The following PSMG2 variants were observed in gnomAD, a reference collection of about 807,000 sequenced individuals.
PSMG2 encodes proteasome assembly chaperone 2.
Under a neutral mutation model 31.5 loss-of-function variants are expected in PSMG2, and 21 were observed. The observed-to-expected ratio is 0.67, with a 90% CI of 0.47 to 0.96. The LOEUF is 0.96. Among genes scored for constraint, PSMG2 ranks in the 40% least tolerant of loss-of-function variants. The probability of loss-of-function intolerance (pLI) is 0.00; values close to 1 mark genes in which losing one functional copy is unlikely to be tolerated. For missense variants in PSMG2, 318 were observed against 321.2 expected, an observed-to-expected ratio of 0.99 and a Z score of 0.08; for synonymous variants, 120 against 110.4, an observed-to-expected ratio of 1.09 and a Z score of -0.54.
chr18:12,680,458 C>T (rs528394526), intron 1 of PSMG2, among the ~76,000 whole-genome samples: 5 of 151,708 alleles, frequency 3.3e-5, no homozygotes, highest in African/African-American at 7.2e-5. Flanking sequence ...CAGCCAGGTG[C>T]GGTGGCACAT....
chr18:12,665,855 C>G (rs2038791344), intron 1 of PSMG2, among the ~76,000 whole-genome samples: 1 of 152,140 alleles, frequency 6.6e-6, no homozygotes, highest in Non-Finnish European at 1.5e-5. Context: ...CGCCACCACA[C>G]CCAGCTAATT....
intron 2 of PSMG2, among the ~76,000 whole-genome samples, chr18:12,711,184 A>G (rs1183617102): frequency 6.6e-6 from 1 of 151,804 alleles, no homozygotes; most frequent in Non-Finnish European, 1.5e-5. Flanking sequence ...ACACACAAGA[A>G]TCACTTGAAC....
At chr18:12,703,479 T>C (rs1379740008) in intron 1 of PSMG2, among the ~76,000 whole-genome samples, 2 of 152,258 alleles carry the variant, frequency 1.3e-5, no homozygotes, top group African/African-American at 2.4e-5. Context: ...CTAGAAAGTC[T>C]TTCTACGACT....
At chr18:12,703,219 C>T in intron 1 of PSMG2, 55 bp downstream of exon 1, 1 of 1,539,734 alleles carries the variant, frequency 6.5e-7, no homozygotes, top group Non-Finnish European at 8.8e-7. Flanking sequence ...TGCGGTGTCG[C>T]CACCCCGACG....
At chr18:12,689,993 T>C (rs372195095) in intron 1 of PSMG2, among the ~76,000 whole-genome samples, 17 of 152,356 alleles carry the variant, frequency 1.1e-4, no homozygotes, top group African/African-American at 3.6e-4. Flanking sequence ...TTCGCCATGT[T>C]GGCCAGGCTG....
At chr18:12,724,365 A>G (rs888991407) in intron 5 of PSMG2, 134 bp from the exon 6 acceptor site, 6 of 875,900 alleles carry the variant, frequency 6.9e-6, no homozygotes, top group Non-Finnish European at 9.8e-6. Flanking sequence ...AAGGGAGATG[A>G]TAAGTGATCT....
upstream of PSMG2, among the ~76,000 whole-genome samples, chr18:12,701,893 G>A (rs1211778100): frequency 6.6e-6 from 1 of 152,230 alleles, no homozygotes; most frequent in Non-Finnish European, 1.5e-5. Context: ...CACTTTAGGA[G>A]GCCGAGGCGG....
At chr18:12,693,015 A>G (rs1390226604) in intron 1 of PSMG2, among the ~76,000 whole-genome samples, 2 of 152,102 alleles carry the variant, frequency 1.3e-5, no homozygotes, top group African/African-American at 4.8e-5. Context: ...GTAGAGATGA[A>G]GTCTACCTAT....
chr18:12,690,753 C>T (rs2039726005), intron 1 of PSMG2, among the ~76,000 whole-genome samples: 1 of 152,158 alleles, frequency 6.6e-6, no homozygotes, highest in South Asian at 2.1e-4. Flanking sequence ...CCGCGCCTAG[C>T]TGACCTGACC....
rs139290213 is a variant in PSMG2, at chr18:12,686,401, C to T, written c.-36-20149C>T. On this transcript the variant is annotated intron_variant, in intron 1 of 6. Coordinates refer to the PSMG2 transcript ENST00000585331. ...TGGAGTATCAAGAAGCCGTCCAGCT[C>T]GAAGTGGTTTAACATAGGAACAGAC... 176 of 1,613,954 alleles carry T rather than the reference C, an allele frequency of 1.1e-4. No individual in the cohort carries two copies. In the East Asian group the frequency reaches 3.8e-3, roughly 35 times the overall value.
At chr18:12,701,170 T>G (rs1814462265), upstream of PSMG2, 3 of 1,374,416 alleles carry the variant, frequency 2.2e-6, no homozygotes, top group African/African-American at 1.4e-5. Flanking sequence ...AAATACTGCT[T>G]CTGAAGTTTT....
intron 1 of PSMG2, among the ~76,000 whole-genome samples, chr18:12,672,118 CT>C (rs371021479): frequency 2.6e-4 from 36 of 141,090 alleles, no homozygotes; most frequent in Middle Eastern, 3.8e-3. Flanking sequence ...ATGCCTGGCC[CT>C]TTTTTTTTTT....
chr18:12,698,936 A>C, upstream of PSMG2: 1 of 1,342,424 alleles, frequency 7.4e-7, no homozygotes, highest in Non-Finnish European at 1.0e-6. Context: ...AAAACATAAC[A>C]AAGATTTACT....
At chr18:12,707,110 C>T (rs71353222) in intron 2 of PSMG2, among the ~76,000 whole-genome samples, 13,599 of 152,200 alleles carry the variant, frequency 0.089, 857 homozygotes, top group Non-Finnish European at 0.13. Context: ...TGCCTGCCAC[C>T]GCACCTGGCT....
intron 1 of PSMG2, among the ~76,000 whole-genome samples, chr18:12,689,584 T>C (rs1166134524): frequency 7.1e-6 from 1 of 141,130 alleles, no homozygotes; most frequent in Non-Finnish European, 1.6e-5. Flanking sequence ...GTTTAAGTAA[T>C]ATTTCCTAAA....
chr18:12,673,602 A>G (rs1598613507), intron 1 of PSMG2: 1 of 982,620 alleles, frequency 1.0e-6, no homozygotes, highest in Non-Finnish European at 1.5e-6. Context: ...TTTTCAGGCT[A>G]GGCGTGGTGG....
intron 3 of PSMG2, among the ~76,000 whole-genome samples, chr18:12,714,792 G>A (rs561363616): frequency 2.6e-5 from 4 of 151,978 alleles, no homozygotes; most frequent in Non-Finnish European, 5.9e-5. Context: ...TGCAACCTCC[G>A]CCTCCTGGGT....
intron 1 of PSMG2, among the ~76,000 whole-genome samples, chr18:12,694,766 C>T (rs1390907601): frequency 2.0e-5 from 3 of 150,622 alleles, no homozygotes; most frequent in African/African-American, 7.3e-5. Context: ...GGCTGGAGTG[C>T]ACTGGTGCGA....
chr18:12,679,760 C>G lies in PSMG2; in HGVS notation c.-37+20987C>G, dbSNP rs149082507. Among the ~76,000 whole-genome samples the G allele has an allele frequency of 3.8e-3, 576 of 152,146 alleles. 1 individual carries two copies. Among genetic ancestry groups the G allele is most frequent in the African/African-American group, 0.013 (542 of 41,514 alleles). ...ACTTATTTTCAGACTTAGGTATGAT[C>G]ATCAGAAAAAAACATATGCCAGCCA... is the stretch of plus-strand genomic sequence containing the variant. On this transcript the variant is annotated intron_variant, in intron 1 of 6. Coordinates refer to the PSMG2 transcript ENST00000585331.
Sources: allele counts gnomAD v4.1 joint callset (sites outside exome capture counted in the v4.1 genomes callset), GRCh38; gene constraint gnomAD v4.1.1; transcripts MANE v1.5; gene names NCBI Gene and HGNC (gene_info 2026-07-23, HGNC 2026-07-21).